Variants in FGF1 observed in about 807,000 individuals in gnomAD.
FGF1 encodes beta-endothelial cell growth factor.
In FGF1, 9 loss-of-function variants were observed where a neutral mutation model predicts 13.4. That is an observed-to-expected ratio of 0.67 (90% CI 0.40 to 1.17). The LOEUF (loss-of-function observed/expected upper bound fraction) is 1.17. Ranked by LOEUF, FGF1 falls within the 50% of genes most tolerant of loss-of-function variation. The pLI is 0.01. For missense variants in FGF1, 156 were observed against 192.7 expected, an observed-to-expected ratio of 0.81 and a Z score of 1.13; for synonymous variants, 93 against 79.0, an observed-to-expected ratio of 1.18 and a Z score of -0.94.
At position 142,602,369 on chromosome 5, in the gene FGF1, G is replaced by T. The variant is rs17217324; in HGVS notation, c.170-1564C>A. Among the ~76,000 whole-genome samples, 996 of 152,188 alleles carry T rather than the reference G, an allele frequency of 6.5e-3. 16 individuals carry two copies. Among genetic ancestry groups the T allele is most frequent in the Middle Eastern group, 0.031 (9 of 294 alleles). On this transcript the variant is annotated intron_variant, in intron 2 of 3. Transcript: ENST00000337706. ...TTTTGGTATTTTTAGTAGAGATGGGGTTTCACCATGTTGGCCAGGCTGGTC... is the reference window on the plus strand; with the variant it reads ...TTTTGGTATTTTTAGTAGAGATGGGTTTTCACCATGTTGGCCAGGCTGGTC...
At position 142,654,713 on chromosome 5, in the gene FGF1, C is replaced by T. The variant is rs550968217; in HGVS notation, c.-35+31244G>A. The stretch of plus-strand genomic sequence containing the variant: ...GGCTGCCATCTGCTGTCTTCGACTC[C>T]ATGAATGTTGTGGCCTCGTTGGAAG... On this transcript the variant is annotated intron_variant, in intron 1 of 3. Coordinates refer to ENST00000337706, the MANE Select transcript of FGF1 (RefSeq NM_000800.5). Among the ~76,000 whole-genome samples the T allele has an allele frequency of 7.2e-5, 11 of 152,342 alleles. No homozygotes were observed. The South Asian group carries it at 1.4e-3, about 20-fold the overall frequency.
chr5:142,655,671 G>A (rs1447459695), intron 1 of FGF1, among the ~76,000 whole-genome samples: 1 of 152,238 alleles, frequency 6.6e-6, no homozygotes, highest in African/African-American at 2.4e-5. Context: ...AGAGGAGGCA[G>A]AGCCCAGAGT....
chr5:142,658,794 C>T (rs1053104702), intron 1 of FGF1, among the ~76,000 whole-genome samples: 4 of 152,126 alleles, frequency 2.6e-5, no homozygotes, highest in African/African-American at 4.8e-5. Flanking sequence ...GTATAGGCTG[C>T]GGAGAGTTGC....
upstream of FGF1, among the ~76,000 whole-genome samples, chr5:142,687,909 T>A (rs1751519404): frequency 6.6e-6 from 1 of 152,164 alleles, no homozygotes. Context: ...ATTCCCCCCC[T>A]CCTAGTGGAA....
chr5:142,690,587 T>C (rs1752037926), upstream of FGF1, among the ~76,000 whole-genome samples: 1 of 152,164 alleles, frequency 6.6e-6, no homozygotes, highest in Admixed American at 6.5e-5. Flanking sequence ...GTTTTTCACT[T>C]AATAATAGAT....
intron 1 of FGF1, among the ~76,000 whole-genome samples, chr5:142,647,955 C>T (rs891718913): frequency 2.0e-5 from 3 of 152,012 alleles, no homozygotes; most frequent in Non-Finnish European, 2.9e-5. Flanking sequence ...CGTGGTGGTG[C>T]GCACCTGTAA....
chr5:142,618,731 T>A (rs992765895), intron 1 of FGF1, among the ~76,000 whole-genome samples: 4 of 152,066 alleles, frequency 2.6e-5, no homozygotes, highest in African/African-American at 9.7e-5. Context: ...TGGTCTGCAT[T>A]TCAGACTCAG....
upstream of FGF1, among the ~76,000 whole-genome samples, chr5:142,686,825 C>A (rs371714171): frequency 2.4e-4 from 36 of 152,304 alleles, no homozygotes; most frequent in African/African-American, 7.9e-4. Context: ...ACTGTTCAAG[C>A]CTGTCCCCGT....
intron 1 of FGF1, chr5:142,680,686 G>T (rs1418127369): frequency 6.6e-6 from 1 of 152,220 alleles, no homozygotes; most frequent in Non-Finnish European, 1.5e-5. Flanking sequence ...TGCTGTTATT[G>T]TTATCATAAT....
intron 1 of FGF1, chr5:142,621,153 T>G (rs1291556203): frequency 1.3e-5 from 2 of 152,158 alleles, no homozygotes; most frequent in Non-Finnish European, 2.9e-5. Context: ...TTTGACTGGG[T>G]CATTGATTTC....
At chr5:142,628,108 G>C (rs1290583006) in intron 1 of FGF1, among the ~76,000 whole-genome samples, 1 of 152,202 alleles carries the variant, frequency 6.6e-6, no homozygotes, top group Non-Finnish European at 1.5e-5. Flanking sequence ...TGATAAGGGA[G>C]GAAAAGGCTT....
At chr5:142,690,131 C>T (rs564855942), upstream of FGF1, among the ~76,000 whole-genome samples, 39 of 150,134 alleles carry the variant, frequency 2.6e-4, 1 homozygote, top group South Asian at 8.3e-3. Flanking sequence ...ACCATCCTGG[C>T]TAACACGGTG....
chr5:142,667,187 G>A (rs1770556707), intron 1 of FGF1, among the ~76,000 whole-genome samples: 1 of 152,104 alleles, frequency 6.6e-6, no homozygotes, highest in African/African-American at 2.4e-5. Context: ...GGAAGGCTGA[G>A]GCAGGAGAAT....
intron 1 of FGF1, among the ~76,000 whole-genome samples, chr5:142,641,439 T>A (rs1269689055): frequency 6.6e-6 from 1 of 152,062 alleles, no homozygotes; most frequent in African/African-American, 2.4e-5. Context: ...ATAATCTAAA[T>A]ATATACAGCT....
intron 1 of FGF1, among the ~76,000 whole-genome samples, chr5:142,650,870 A>G (rs1356063134): frequency 1.3e-5 from 2 of 152,194 alleles, no homozygotes; most frequent in Non-Finnish European, 1.5e-5. Flanking sequence ...CAGGAGGGAC[A>G]TGGAGATTTC....
chr5:142,689,575 G>A (rs1475723137), upstream of FGF1, among the ~76,000 whole-genome samples: 2 of 152,060 alleles, frequency 1.3e-5, no homozygotes, highest in Non-Finnish European at 2.9e-5. Flanking sequence ...TGGTTAGCCT[G>A]ATTCTTCAGC....
chr5:142,607,620 G>A (rs1757980696), intron 2 of FGF1, among the ~76,000 whole-genome samples: 1 of 152,216 alleles, frequency 6.6e-6, no homozygotes, highest in Non-Finnish European at 1.5e-5. Context: ...AGGGCTGGAA[G>A]TGTTTACTTG....
intron 2 of FGF1, among the ~76,000 whole-genome samples, chr5:142,696,201 G>C (rs547511828): frequency 3.9e-5 from 6 of 152,280 alleles, no homozygotes; most frequent in Admixed American, 3.9e-4. Flanking sequence ...TCCTTCCTAT[G>C]AGAACTTCTG....
chr5:142,627,539 C>T (rs1284836929), intron 1 of FGF1, among the ~76,000 whole-genome samples: 1 of 152,192 alleles, frequency 6.6e-6, no homozygotes, highest in Non-Finnish European at 1.5e-5. Context: ...TATTAAGGTG[C>T]TTGGATATGA....
Sources: allele counts gnomAD v4.1 joint callset (sites outside exome capture counted in the v4.1 genomes callset), GRCh38; gene constraint gnomAD v4.1.1; transcripts MANE v1.5; gene names NCBI Gene and HGNC (gene_info 2026-07-23, HGNC 2026-07-21).